The following ECT2L variants were observed in gnomAD, a reference collection of about 807,000 sequenced individuals.
ECT2L encodes the protein epithelial cell transforming 2 like.
ECT2L carries 126 observed loss-of-function variants against 122.8 expected under a neutral mutation model. The observed-to-expected ratio is 1.03, with a 90% CI of 0.89 to 1.19. ECT2L has a LOEUF of 1.19. ECT2L is among the 50% of genes most tolerant of loss of function. The pLI is 0.00. For missense variants in ECT2L, 1,012 were observed against 1,064.1 expected (o/e 0.95, Z 0.68); for synonymous variants, 385 against 381.8 (o/e 1.01, Z -0.10).
rs1164822613 is a variant in ECT2L at position 138,881,027 on chromosome 6, G to A, written c.1736G>A (p.Arg579Lys). The A allele has an allele frequency of 6.2e-7, 1 of 1,614,180 alleles. No homozygotes were observed. The change falls in exon 15 of 22, where the codon AGA becomes AAA. Residue 579 changes from arginine to lysine, a missense_variant. Arg to Lys is a conservative substitution (Grantham distance 26). Transcript: ENST00000541398. ...RVVRELLQSE[R>K]KYVQILEIVR... is the part of the protein sequence containing the mutation. ...GTCAGAGAACTCTTACAGAGTGAGA[G>A]AAAATACGTGCAGATACTGGAAATT...
intron 10 of ECT2L, among the ~76,000 whole-genome samples, chr6:138,856,232 G>A (rs1240479205): frequency 8.6e-5 from 13 of 151,694 alleles, no homozygotes; most frequent in South Asian, 4.2e-4. Context: ...CCACCCCACC[G>A]CCCGAGATGT....
chr6:138,881,034 C>G lies in ECT2L; in HGVS notation c.1743C>G (p.Tyr581Ter). Residue 581 changes from tyrosine to a stop codon, truncating the protein, a stop_gained, in exon 15 of 22, where the codon TAC becomes TAG. Coordinates refer to ENST00000541398, the MANE Select transcript of ECT2L (RefSeq NM_001077706.3). LOFTEE classifies it high-confidence loss of function. ...VRELLQSERK[Y>*]VQILEIVRDV... is the part of the protein sequence containing the mutation. ...AACTCTTACAGAGTGAGAGAAAATA[C>G]GTGCAGATACTGGAAATTGTGAGAG... The G allele has an allele frequency of 6.2e-7, 1 of 1,614,124 alleles. No individual in the cohort carries two copies. The highest frequency in any genetic ancestry group is 8.5e-7 in the Non-Finnish European group (1 of 1,180,016).
chr6:138,885,403 T>C (rs1350353271), intron 16 of ECT2L, 103 bp from the exon 17 acceptor site: 14 of 1,058,932 alleles, frequency 1.3e-5, no homozygotes, highest in Non-Finnish European at 2.0e-5. Context: ...ACATAGATGT[T>C]GCCCTTTTGC....
At chr6:138,841,702 T>C (rs1777045379) in intron 5 of ECT2L, among the ~76,000 whole-genome samples, 1 of 152,246 alleles carries the variant, frequency 6.6e-6, no homozygotes, top group Non-Finnish European at 1.5e-5. Flanking sequence ...AAGTAAAAAG[T>C]GATGCCAAAT....
chr6:138,899,226 G>A (rs1186550798), intron 20 of ECT2L, among the ~76,000 whole-genome samples: 1 of 152,060 alleles, frequency 6.6e-6, no homozygotes, highest in African/African-American at 2.4e-5. Flanking sequence ...CAAAGCAAAT[G>A]TCCATCAAAG....
intron 4 of ECT2L, 58 bp downstream of exon 4, chr6:138,814,661 T>G: frequency 9.6e-7 from 1 of 1,046,466 alleles, no homozygotes; most frequent in Non-Finnish European, 1.4e-6. Context: ...CGTATATAAA[T>G]GTTTATATAA....
intron 1 of ECT2L, among the ~76,000 whole-genome samples, chr6:138,808,722 CTCTTTTCT>C (rs1775791685): frequency 6.8e-6 from 1 of 146,612 alleles, no homozygotes; most frequent in Admixed American, 6.9e-5. Context: ...TTTTTCCTTT[CTCTTTTCT>C]TTTTTTTTTT....
chr6:138,885,445 TG>T (rs59052100), intron 16 of ECT2L, 60 bp from the exon 17 acceptor site: 227,178 of 1,536,196 alleles, frequency 0.15, 18,290 homozygotes, highest in Non-Finnish European at 0.17. Context: ...GCTTGCTCAG[TG>T]GAACAGTGGA....
chr6:138,856,276 G>A (rs879831102), intron 10 of ECT2L, among the ~76,000 whole-genome samples: 3 of 149,236 alleles, frequency 2.0e-5, no homozygotes, highest in East Asian at 2.0e-4. Flanking sequence ...GTGCAGTGGC[G>A]TGATCTCGGC....
intron 20 of ECT2L, among the ~76,000 whole-genome samples, chr6:138,899,386 G>GA (rs1320401396): frequency 3.9e-5 from 6 of 152,096 alleles, no homozygotes; most frequent in Non-Finnish European, 8.8e-5. Context: ...AAAGAGTAGG[G>GA]AAAATCTTAG....
chr6:138,869,852 G>A (rs560331717), intron 13 of ECT2L, among the ~76,000 whole-genome samples: 4 of 152,200 alleles, frequency 2.6e-5, no homozygotes, highest in East Asian at 3.9e-4. Context: ...TTCCTGTCCC[G>A]TTTCCTCATT....
chr6:138,858,665 A>C (rs1434580599), intron 10 of ECT2L, among the ~76,000 whole-genome samples: 1 of 133,738 alleles, frequency 7.5e-6, no homozygotes, highest in Admixed American at 7.5e-5. Flanking sequence ...TCTTTCTTTC[A>C]CATATATTAG....
intron 9 of ECT2L, among the ~76,000 whole-genome samples, chr6:138,851,440 C>G (rs1310506760): frequency 6.6e-6 from 1 of 151,314 alleles, no homozygotes; most frequent in East Asian, 1.9e-4. Context: ...CACCTCAGCC[C>G]CTAATGTGCT....
At chr6:138,902,409 T>G in intron 21 of ECT2L, 91 bp from the exon 22 acceptor site, 2 of 1,269,834 alleles carry the variant, frequency 1.6e-6, no homozygotes, top group Non-Finnish European at 2.2e-6. Context: ...TAAAAAATTC[T>G]TAAAGATGAT....
intron 1 of ECT2L, among the ~76,000 whole-genome samples, chr6:138,803,081 A>AT (rs1271688495): frequency 1.9e-5 from 2 of 104,018 alleles, no homozygotes; most frequent in South Asian, 4.5e-4. Context: ...TGTCTCAAAA[A>AT]AAAAAAAATA....
Position 138,820,550 on chromosome 6 carries a change from A to C in ECT2L, c.179+5947A>C, listed in dbSNP as rs149203231. Among the ~76,000 whole-genome samples, 205 of 152,308 alleles carry C rather than the reference A, an allele frequency of 1.3e-3. 1 individual carries two copies. The highest frequency in any genetic ancestry group is 4.8e-3 in the African/African-American group (198 of 41,574). On this transcript the variant is annotated intron_variant, in intron 4 of 21. Transcript: ENST00000541398. ...CCGTTAATTGTTTACAGTGAAAGGA[A>C]GAAAAATAGGTTGAAAATGGTCCAT...
At chr6:138,890,383 G>T (rs1163847379) in intron 20 of ECT2L, among the ~76,000 whole-genome samples, 1 of 151,048 alleles carries the variant, frequency 6.6e-6, no homozygotes, top group Admixed American at 6.6e-5. Context: ...GTAGGTGGAA[G>T]AAATCAGTCC....
At chr6:138,883,964 GGT>G (rs1427454275) in intron 16 of ECT2L, among the ~76,000 whole-genome samples, 1 of 152,150 alleles carries the variant, frequency 6.6e-6, no homozygotes, top group Non-Finnish European at 1.5e-5. Context: ...CCCAGGCTCA[GGT>G]GATCCTCCCA....
At chr6:138,831,833 T>C (rs1776658076) in intron 4 of ECT2L, among the ~76,000 whole-genome samples, 1 of 152,164 alleles carries the variant, frequency 6.6e-6, no homozygotes, top group African/African-American at 2.4e-5. Flanking sequence ...CACATACCAA[T>C]TTAATTAAAC....
Sources: gnomAD v4.1 joint callset for allele counts (sites outside exome capture counted in the v4.1 genomes callset) on GRCh38, gnomAD v4.1.1 for gene constraint, MANE v1.5 for transcripts, NCBI Gene and HGNC (gene_info 2026-07-23, HGNC 2026-07-21) for gene names.